Variants in TP63 observed in about 807,000 individuals in gnomAD.
TP63 encodes the protein tumor protein p63.
Under a neutral mutation model 82.8 loss-of-function variants are expected in TP63, and 17 were observed. The ratio of observed to expected loss-of-function variants is 0.21; its 90% CI spans 0.14 to 0.31. The LOEUF is 0.31. Ranked by LOEUF, TP63 falls within the 10% of genes least tolerant of loss-of-function variation. TP63 has a pLI of 1.00. For missense variants in TP63, 648 were observed against 895.3 expected (o/e 0.72, Z 3.52); for synonymous variants, 330 against 321.7 (o/e 1.03, Z -0.28).
chr3:189,821,027 G>A (rs1728743077), intron 4 of TP63, among the ~76,000 whole-genome samples: 1 of 152,132 alleles, frequency 6.6e-6, no homozygotes, highest in Non-Finnish European at 1.5e-5. Flanking sequence ...TGAATAATAT[G>A]TAATTGTGTA....
At chr3:189,617,359 A>G in the TP63 span, among the ~76,000 whole-genome samples, 1 of 152,224 alleles carries the variant, frequency 6.6e-6, no homozygotes, top group African/African-American at 2.4e-5. Context: ...TGTATATCCC[A>G]CATGAATGTG....
At chr3:189,814,293 C>T (rs1037100980) in intron 4 of TP63, among the ~76,000 whole-genome samples, 4 of 152,188 alleles carry the variant, frequency 2.6e-5, no homozygotes, top group African/African-American at 4.8e-5. Context: ...ACAAACTCTT[C>T]GATGGTAAAT....
intron 1 of TP63, among the ~76,000 whole-genome samples, chr3:189,711,831 C>T (rs187619724): frequency 6.6e-6 from 1 of 152,260 alleles, no homozygotes; most frequent in East Asian, 1.9e-4. Flanking sequence ...TGGATCCTTA[C>T]ACTGATGTAT....
intron 5 of TP63, 88 bp from the exon 6 acceptor site, chr3:189,866,594 C>A: frequency 8.3e-7 from 1 of 1,199,376 alleles, no homozygotes; most frequent in Non-Finnish European, 1.2e-6. Flanking sequence ...ATTTCTTTTG[C>A]CACCAACATC....
chr3:189,656,297 C>T (rs1373856594), intron 1 of TP63, among the ~76,000 whole-genome samples: 1 of 151,962 alleles, frequency 6.6e-6, no homozygotes, highest in African/African-American at 2.4e-5. Context: ...TGGAGACAGA[C>T]TTAGATTAGT....
Position 189,656,715 on chromosome 3 carries a change from G to A in TP63, c.62+25138G>A, listed in dbSNP as rs545003963. ...TAATATAGAACAGCTATATTCATAA[G>A]GGACAAAAAACAGATTTCCAAAGCC... On this transcript the variant is annotated intron_variant, in intron 1 of 13. Transcript: ENST00000264731. Among the ~76,000 whole-genome samples the A allele has an allele frequency of 1.1e-4, 16 of 152,092 alleles. No individual in the cohort carries two copies. In the South Asian group the frequency reaches 3.3e-3, roughly 32 times the overall value.
upstream of TP63, chr3:189,631,196 A>G (rs1729437887): frequency 3.1e-6 from 3 of 983,018 alleles, no homozygotes; most frequent in African/African-American, 5.2e-5. Flanking sequence ...ATTGCCAACA[A>G]CAAGTGTGGC....
the TP63 span, among the ~76,000 whole-genome samples, chr3:189,599,389 G>A: frequency 2.0e-5 from 3 of 152,294 alleles, no homozygotes; most frequent in East Asian, 5.8e-4. Context: ...TTCCCATAAT[G>A]TATCATGGCT....
chr3:189,701,400 G>T lies in TP63; in HGVS notation c.63-36340G>T, dbSNP rs569136811. 2.6e-5 allele frequency among the ~76,000 whole-genome samples: 4 copies of T among 151,796 alleles called. No homozygotes were observed. The East Asian group carries it at 7.8e-4, about 29-fold the overall frequency. Reference sequence around the variant, plus strand: ...GGATTACAGTAGTTATTTAAGGGAGGCATCTAAACATGAACAAGAAATCAA... The same window carrying T: ...GGATTACAGTAGTTATTTAAGGGAGTCATCTAAACATGAACAAGAAATCAA... On this transcript the variant is annotated intron_variant, in intron 1 of 13. Transcript: ENST00000264731.
In TP63 at chr3:189,897,254, A is replaced by G. The variant is rs1176791265; in HGVS notation, c.*2752A>G. 1.0e-5 allele frequency: 2 copies of G among 196,232 alleles called. No individual in the cohort carries two copies. Among genetic ancestry groups the G allele is most frequent in the East Asian group, 8.1e-5 (1 of 12,378 alleles). The allele number at this position is 196,232 out of a possible 1,614,324, so 12.2% of individuals were successfully genotyped here. ...CAGGACATGCAATAAAATTTAAAAA[A>G]TAAATAAAAACTAATTAAGAAATTG... On this transcript the variant is annotated 3_prime_UTR_variant, in exon 14 of 14. Transcript: ENST00000264731.
chr3:189,844,314 G>A (rs1283637692), intron 4 of TP63: 1 of 409,024 alleles, frequency 2.4e-6, no homozygotes, highest in African/African-American at 2.1e-5. Context: ...TGGGATTACA[G>A]GCACGCGCCA....
chr3:189,788,312 G>A (rs2108588893), intron 3 of TP63, among the ~76,000 whole-genome samples: 1 of 152,022 alleles, frequency 6.6e-6, no homozygotes, highest in South Asian at 2.1e-4. Context: ...TAACCTATGG[G>A]TCTTATATAT....
At chr3:189,804,267 C>T (rs1255166596) in intron 3 of TP63, among the ~76,000 whole-genome samples, 1 of 152,202 alleles carries the variant, frequency 6.6e-6, no homozygotes, top group African/African-American at 2.4e-5. Flanking sequence ...GCAAGAGGTA[C>T]TGCTCCCTTT....
intron 3 of TP63, among the ~76,000 whole-genome samples, chr3:189,761,498 C>T (rs1422897914): frequency 7.0e-6 from 1 of 142,448 alleles, no homozygotes; most frequent in Non-Finnish European, 1.6e-5. Flanking sequence ...CTCATCTCCA[C>T]CTGTGACCAC....
chr3:189,873,108 C>T, intron 10 of TP63, 113 bp downstream of exon 10: 3 of 1,543,694 alleles, frequency 1.9e-6, no homozygotes, highest in East Asian at 4.5e-5. Context: ...AGCAGATTGT[C>T]ATAGATTCAG....
chr3:189,673,906 A>G (rs1464096088), intron 1 of TP63, among the ~76,000 whole-genome samples: 2 of 152,146 alleles, frequency 1.3e-5, no homozygotes, highest in Non-Finnish European at 2.9e-5. Context: ...AGTACAGCAA[A>G]TTGAAATAGT....
At chr3:189,623,023 G>C in the TP63 span, among the ~76,000 whole-genome samples, 1 of 152,108 alleles carries the variant, frequency 6.6e-6, no homozygotes, top group Non-Finnish European at 1.5e-5. Flanking sequence ...TTTTCAAAAA[G>C]AGAAATTGAT....
rs182391320 is a variant in TP63, at chr3:189,717,835, C to A, written c.63-19905C>A. ...TCCAAAAGTCAGTCTTTACCCTGAG[C>A]TTAGAAAGGGAAGACATAGAGTTAG... On this transcript the variant is annotated intron_variant, in intron 1 of 13. Transcript: ENST00000264731. Among the ~76,000 whole-genome samples the A allele has an allele frequency of 6.6e-4, 101 of 152,088 alleles. 1 individual carries two copies. The highest frequency in any genetic ancestry group is 4.4e-3 in the South Asian group (21 of 4,804).
At chr3:189,835,281 A>G (rs1024971655) in intron 4 of TP63, among the ~76,000 whole-genome samples, 14 of 152,230 alleles carry the variant, frequency 9.2e-5, no homozygotes, top group Admixed American at 3.9e-4. Context: ...TAATGATAAA[A>G]GGCTAAATGG....
Sources: allele counts gnomAD v4.1 joint callset (sites outside exome capture counted in the v4.1 genomes callset), GRCh38; gene constraint gnomAD v4.1.1; transcripts MANE v1.5; gene names NCBI Gene and HGNC (gene_info 2026-07-23, HGNC 2026-07-21).